Variants in ATE1 observed in about 807,000 individuals in gnomAD.
The protein encoded by ATE1 is arginyl-tRNA--protein transferase 1.
ATE1 carries 36 observed loss-of-function variants against 70.5 expected under a neutral mutation model. The ratio of observed to expected loss-of-function variants is 0.51; its 90% CI spans 0.39 to 0.67. The LOEUF is 0.67. ATE1 is among the 30% of genes least tolerant of loss of function. The pLI, the probability that ATE1 is intolerant of heterozygous loss-of-function variation, is 0.00. For missense variants in ATE1, 593 were observed against 629.5 expected (o/e 0.94, Z 0.62); for synonymous variants, 232 against 219.3 (o/e 1.06, Z -0.51).
At chr10:121,922,745 G>T (rs1951931531) in intron 2 of ATE1, among the ~76,000 whole-genome samples, 2 of 152,020 alleles carry the variant, frequency 1.3e-5, no homozygotes, top group Non-Finnish European at 2.9e-5. Context: ...CGATGCTGTG[G>T]GACTCATGTA....
At position 121,741,396 on chromosome 10, in the gene ATE1, G is replaced by A. The variant is rs1944142536; in HGVS notation, c.*2284C>T. 6.6e-6 allele frequency: 1 copy of A among 152,214 alleles called. No homozygotes were observed. Among genetic ancestry groups the A allele is most frequent in the Non-Finnish European group, 1.5e-5 (1 of 68,056 alleles). The allele number at this position is 152,214 out of a possible 1,614,324, so 9.4% of individuals were successfully genotyped here. A position where few individuals can be genotyped will look rare whatever the true frequency, so the allele number is the denominator to read the frequency against. Reference sequence around the variant, plus strand: ...ATCTCCAATGCTCAAGTCACTCTGAGTCTTTGCTGGTGTCAACCTACAATG... The same window carrying A: ...ATCTCCAATGCTCAAGTCACTCTGAATCTTTGCTGGTGTCAACCTACAATG... On this transcript the variant is annotated 3_prime_UTR_variant, in exon 12 of 12. Coordinates refer to ENST00000224652, the MANE Select transcript of ATE1 (RefSeq NM_001001976.3).
At chr10:121,847,756 CAAAAAA>C (rs34868723) in intron 8 of ATE1, among the ~76,000 whole-genome samples, 1 of 60,844 alleles carries the variant, frequency 1.6e-5, no homozygotes, top group Non-Finnish European at 3.0e-5. Context: ...GACTCTGTCT[CAAAAAA>C]AAAAAAAAAA....
chr10:121,928,426 C>G, upstream of ATE1: 1 of 1,520,714 alleles, frequency 6.6e-7, no homozygotes, highest in Non-Finnish European at 8.8e-7. Context: ...CCACCACCGA[C>G]GCCATGGCCG....
At chr10:121,787,956 A>C (rs1946279576) in intron 11 of ATE1, among the ~76,000 whole-genome samples, 1 of 152,248 alleles carries the variant, frequency 6.6e-6, no homozygotes, top group African/African-American at 2.4e-5. Flanking sequence ...TAAGGAAAAA[A>C]AGAAGGTGAA....
At chr10:121,841,329 T>C in intron 8 of ATE1, 66 bp from the exon 9 acceptor site, 1 of 1,099,420 alleles carries the variant, frequency 9.1e-7, no homozygotes, top group Non-Finnish European at 1.2e-6. Context: ...AATTAATATA[T>C]ACTTTCATTT....
chr10:121,919,318 G>C (rs920157443), intron 3 of ATE1, among the ~76,000 whole-genome samples: 3 of 152,068 alleles, frequency 2.0e-5, no homozygotes, highest in Non-Finnish European at 4.4e-5. Context: ...CAGCACTTTG[G>C]GGGGCTGAAG....
intron 11 of ATE1, among the ~76,000 whole-genome samples, chr10:121,778,479 G>T (rs1945835956): frequency 6.6e-6 from 1 of 150,668 alleles, no homozygotes; most frequent in African/African-American, 2.4e-5. Flanking sequence ...GAACCATTTG[G>T]TAAATGAAAA....
At chr10:121,903,094 T>C (rs1013382667) in intron 5 of ATE1, among the ~76,000 whole-genome samples, 2 of 151,546 alleles carry the variant, frequency 1.3e-5, no homozygotes, top group African/African-American at 4.8e-5. Context: ...TCAAACTCCC[T>C]TGGACAGACT....
At chr10:121,748,542 T>C (rs1944456824) in intron 11 of ATE1, among the ~76,000 whole-genome samples, 1 of 152,192 alleles carries the variant, frequency 6.6e-6, no homozygotes, top group East Asian at 1.9e-4. Flanking sequence ...ATGATGTCAC[T>C]GATATCTGTT....
At chr10:121,842,843 G>A (rs1948681907) in intron 8 of ATE1, among the ~76,000 whole-genome samples, 1 of 152,038 alleles carries the variant, frequency 6.6e-6, no homozygotes, top group Non-Finnish European at 1.5e-5. Context: ...GGGAACAGAG[G>A]AAAGTTTTCT....
At chr10:121,923,645 T>C (rs1468151676) in intron 2 of ATE1, among the ~76,000 whole-genome samples, 2 of 152,170 alleles carry the variant, frequency 1.3e-5, no homozygotes, top group Non-Finnish European at 2.9e-5. Flanking sequence ...TATTTAATAT[T>C]ACTTATATTT....
At chr10:121,840,947 T>C (rs1232718107) in intron 9 of ATE1, 135 bp downstream of exon 9, 11 of 770,584 alleles carry the variant, frequency 1.4e-5, no homozygotes, top group Non-Finnish European at 7.3e-6. Flanking sequence ...GTATTCTATG[T>C]AAGAGACTAG....
chr10:121,804,702 C>A (rs910269390), intron 10 of ATE1, among the ~76,000 whole-genome samples: 17 of 150,884 alleles, frequency 1.1e-4, no homozygotes, highest in African/African-American at 4.1e-4. Context: ...CAATGTGGTA[C>A]GCAGCACACA....
intron 11 of ATE1, among the ~76,000 whole-genome samples, chr10:121,766,140 C>T (rs1419118164): frequency 1.3e-5 from 2 of 152,088 alleles, no homozygotes; most frequent in Admixed American, 6.6e-5. Flanking sequence ...TACAAATAAG[C>T]CTTTTGTAAA....
At chr10:121,925,976 C>T (rs897278997) in intron 1 of ATE1, among the ~76,000 whole-genome samples, 1 of 151,866 alleles carries the variant, frequency 6.6e-6, no homozygotes. Flanking sequence ...GAGGCCGAGG[C>T]GGGTAGATCA....
chr10:121,920,270 G>C (rs1004379292), intron 3 of ATE1, among the ~76,000 whole-genome samples: 1 of 152,056 alleles, frequency 6.6e-6, no homozygotes, highest in Non-Finnish European at 1.5e-5. Flanking sequence ...AGGCTCCTTT[G>C]AGCCTAGAAG....
intron 7 of ATE1, among the ~76,000 whole-genome samples, chr10:121,890,270 A>T (rs1171392311): frequency 6.6e-6 from 1 of 152,244 alleles, no homozygotes; most frequent in Admixed American, 6.5e-5. Flanking sequence ...ATGTAAAATA[A>T]GCACTAAATA....
chr10:121,872,054 A>G (rs984583002), intron 7 of ATE1, among the ~76,000 whole-genome samples: 2 of 152,148 alleles, frequency 1.3e-5, no homozygotes, highest in Non-Finnish European at 2.9e-5. Context: ...GTAAATTTTG[A>G]TTTTAAAATC....
intron 7 of ATE1, among the ~76,000 whole-genome samples, chr10:121,887,807 G>C (rs1396395665): frequency 6.6e-6 from 1 of 152,222 alleles, no homozygotes; most frequent in East Asian, 1.9e-4. Context: ...AAGGAAAAAA[G>C]ATGGTGAGAG....
Sources: allele counts gnomAD v4.1 joint callset (sites outside exome capture counted in the v4.1 genomes callset), GRCh38; gene constraint gnomAD v4.1.1; transcripts MANE v1.5; gene names NCBI Gene and HGNC (gene_info 2026-07-23, HGNC 2026-07-21).